Variants in CSMD1 observed in about 807,000 individuals in gnomAD.
The protein encoded by CSMD1 is CUB and Sushi multiple domains 1, also known as CUB and sushi domain-containing protein 1.
CSMD1 carries 213 observed loss-of-function variants against 417.5 expected under a neutral mutation model. That is an observed-to-expected ratio of 0.51 (90% CI 0.46 to 0.57). CSMD1 has a LOEUF of 0.57. CSMD1 is among the 20% of genes least tolerant of loss of function. The pLI is 0.00. For missense variants in CSMD1, 6,923 were observed against 4,529.7 expected (o/e 1.53, Z -15.17); for synonymous variants, 2,862 against 1,736.8 (o/e 1.65, Z -16.11).
chr8:4,326,512 C>T (rs565312996), intron 3 of CSMD1, among the ~76,000 whole-genome samples: 5 of 152,190 alleles, frequency 3.3e-5, no homozygotes, highest in South Asian at 2.1e-4. Flanking sequence ...GGTCCATAAA[C>T]GAGAGGTAGT....
At chr8:4,107,722 G>A (rs1440722404) in intron 3 of CSMD1, among the ~76,000 whole-genome samples, 1 of 152,118 alleles carries the variant, frequency 6.6e-6, no homozygotes, top group Non-Finnish European at 1.5e-5. Context: ...TCCATCAGAT[G>A]CTGTGATTAA....
chr8:4,013,144 C>T (rs545911453), intron 4 of CSMD1, among the ~76,000 whole-genome samples: 2 of 152,266 alleles, frequency 1.3e-5, no homozygotes, highest in African/African-American at 2.4e-5. Context: ...ATTGTGCTCC[C>T]ACACTGCTCA....
chr8:3,484,878 T>A (rs924761877), intron 11 of CSMD1, among the ~76,000 whole-genome samples: 26 of 152,156 alleles, frequency 1.7e-4, no homozygotes, highest in African/African-American at 5.8e-4. Context: ...CAACGAGGTG[T>A]CATTACACAA....
rs138016729 is a variant in CSMD1 at position 4,229,632 on chromosome 8, T to A, written c.415+190321A>T. Among the ~76,000 whole-genome samples the A allele has an allele frequency of 1.3e-3, 196 of 152,284 alleles. 1 individual carries two copies. Among genetic ancestry groups the A allele is most frequent in the African/African-American group, 4.5e-3 (188 of 41,578 alleles). ...CCCAGATGCCCTCATAGTTCACTCCTCTTCTCCAGCTGCTTAAAGGCCATC... is the reference window on the plus strand; with the variant it reads ...CCCAGATGCCCTCATAGTTCACTCCACTTCTCCAGCTGCTTAAAGGCCATC... On this transcript the variant is annotated intron_variant, in intron 3 of 69. Coordinates refer to ENST00000635120, the MANE Select transcript of CSMD1 (RefSeq NM_033225.6).
chr8:3,812,489 T>C (rs2129077901), intron 5 of CSMD1, among the ~76,000 whole-genome samples: 1 of 152,338 alleles, frequency 6.6e-6, no homozygotes, highest in East Asian at 1.9e-4. Context: ...ATGGTCCATG[T>C]TCTTTTCACA....
intron 54 of CSMD1, among the ~76,000 whole-genome samples, chr8:2,995,304 C>G (rs1289788672): frequency 6.6e-6 from 1 of 152,180 alleles, no homozygotes; most frequent in Non-Finnish European, 1.5e-5. Flanking sequence ...GTACTCACGT[C>G]GTTAGCCATC....
At chr8:3,464,259 C>G (rs1023444738) in intron 12 of CSMD1, among the ~76,000 whole-genome samples, 9 of 152,024 alleles carry the variant, frequency 5.9e-5, no homozygotes, top group Admixed American at 2.0e-4. Flanking sequence ...TTACTATAGA[C>G]AGAGAAGCCA....
intron 2 of CSMD1, among the ~76,000 whole-genome samples, chr8:4,480,031 T>C (rs1346946287): frequency 6.6e-6 from 1 of 151,880 alleles, no homozygotes; most frequent in East Asian, 1.9e-4. Flanking sequence ...ATACTTATCC[T>C]ATCATTCTCC....
At chr8:3,881,486 A>C (rs924691820) in intron 5 of CSMD1, among the ~76,000 whole-genome samples, 1 of 151,518 alleles carries the variant, frequency 6.6e-6, no homozygotes, top group Non-Finnish European at 1.5e-5. Context: ...AATACAAAAA[A>C]ATTAGCTGGG....
intron 3 of CSMD1, among the ~76,000 whole-genome samples, chr8:4,067,126 G>T (rs897265942): frequency 1.3e-5 from 2 of 152,182 alleles, no homozygotes; most frequent in African/African-American, 2.4e-5. Context: ...TTTCCACAGA[G>T]TCACTTCATG....
At chr8:3,155,418 A>G (rs184999938) in intron 39 of CSMD1, among the ~76,000 whole-genome samples, 1 of 98,752 alleles carries the variant, frequency 1.0e-5, no homozygotes, top group East Asian at 3.1e-4. Flanking sequence ...CCCAGGATGG[A>G]GTGCAGTGGC....
intron 5 of CSMD1, among the ~76,000 whole-genome samples, chr8:3,929,071 A>C (rs1414377979): frequency 3.3e-5 from 5 of 150,396 alleles, no homozygotes; most frequent in Non-Finnish European, 5.9e-5. Flanking sequence ...AGAAAATTAA[A>C]AGCACAGAGA....
chr8:3,382,705 G>C (rs56285609), intron 18 of CSMD1, among the ~76,000 whole-genome samples: 12 of 150,338 alleles, frequency 8.0e-5, no homozygotes, highest in African/African-American at 1.5e-4. Flanking sequence ...TGGCTTATTA[G>C]TGTTGCATTT....
intron 1 of CSMD1, among the ~76,000 whole-genome samples, chr8:4,652,562 G>T (rs181348851): frequency 6.6e-6 from 1 of 151,980 alleles, no homozygotes; most frequent in Admixed American, 6.6e-5. Context: ...TGAGGCAGGA[G>T]AATCGCTTGA....
At chr8:3,655,230 AG>A (rs1440476372) in intron 7 of CSMD1, among the ~76,000 whole-genome samples, 2 of 152,188 alleles carry the variant, frequency 1.3e-5, no homozygotes, top group Non-Finnish European at 2.9e-5. Flanking sequence ...TAAAACGTCA[AG>A]GTTTTGGTTA....
At chr8:4,467,999 A>T (rs1269595577) in intron 2 of CSMD1, among the ~76,000 whole-genome samples, 2 of 152,182 alleles carry the variant, frequency 1.3e-5, no homozygotes, top group African/African-American at 4.8e-5. Flanking sequence ...TAAGCTGTAG[A>T]TTTGTGTAGT....
intron 26 of CSMD1, among the ~76,000 whole-genome samples, chr8:3,265,760 T>C (rs902873811): frequency 2.6e-5 from 4 of 152,152 alleles, no homozygotes; most frequent in Non-Finnish European, 5.9e-5. Context: ...CAGCATGGCC[T>C]TTCTTCAGCA....
chr8:2,949,028 T>C lies in CSMD1; in HGVS notation c.10402+271A>G, dbSNP rs541040288. On this transcript the variant is annotated intron_variant, in intron 68 of 69. Coordinates refer to ENST00000635120, the MANE Select transcript of CSMD1 (RefSeq NM_033225.6). ...TTGGGTAATATACTTTGCTTATACT[T>C]TGATTTTCATCTTTTTCTCTCTTAT... Among the ~76,000 whole-genome samples the C allele has an allele frequency of 2.0e-5, 3 of 152,136 alleles. No individual in the cohort carries two copies. The East Asian group carries it at 5.8e-4, about 29-fold the overall frequency.
chr8:4,838,953 C>G (rs1232648657), intron 1 of CSMD1, among the ~76,000 whole-genome samples: 2 of 152,220 alleles, frequency 1.3e-5, no homozygotes, highest in African/African-American at 4.8e-5. Flanking sequence ...ACAAATTCAG[C>G]AATTCATAAT....
Sources: gnomAD v4.1 joint callset for allele counts (sites outside exome capture counted in the v4.1 genomes callset) on GRCh38, gnomAD v4.1.1 for gene constraint, MANE v1.5 for transcripts, NCBI Gene and HGNC (gene_info 2026-07-23, HGNC 2026-07-21) for gene names.